Variants in SLC24A3 observed in about 807,000 individuals in gnomAD.
SLC24A3 encodes the protein sodium/potassium/calcium exchanger 3.
A neutral mutation model predicts 75.8 loss-of-function variants in SLC24A3; 28 were observed. The ratio of observed to expected loss-of-function variants is 0.37; its 90% CI spans 0.27 to 0.51. The LOEUF (loss-of-function observed/expected upper bound fraction) is 0.51, where lower values mean the gene tolerates loss of function less well. SLC24A3 is among the 20% of genes least tolerant of loss of function. SLC24A3 has a pLI of 0.94. For missense variants in SLC24A3, 663 were observed against 847.8 expected (o/e 0.78, Z 2.71); for synonymous variants, 372 against 334.1 (o/e 1.11, Z -1.24).
At chr20:19,295,476 T>A (rs1003067549) in intron 2 of SLC24A3, among the ~76,000 whole-genome samples, 4 of 152,216 alleles carry the variant, frequency 2.6e-5, no homozygotes, top group Non-Finnish European at 1.5e-5. Context: ...TTCAGTATGA[T>A]ATTGGCTGTG....
intron 2 of SLC24A3, among the ~76,000 whole-genome samples, chr20:19,435,846 C>A (rs1158929679): frequency 1.3e-5 from 2 of 152,184 alleles, no homozygotes; most frequent in Non-Finnish European, 2.9e-5. Context: ...CTTGCCTACA[C>A]CTCACATTGT....
At chr20:19,416,388 G>A (rs947057155) in intron 2 of SLC24A3, among the ~76,000 whole-genome samples, 8 of 152,222 alleles carry the variant, frequency 5.3e-5, no homozygotes, top group Non-Finnish European at 1.2e-4. Context: ...CCTTGTAGTA[G>A]ATTTTTATTT....
Position 19,352,437 on chromosome 20 carries a change from A to T in SLC24A3, c.271+71350A>T, listed in dbSNP as rs73605517. ...TCTTGGCTCACGACAAAGGAAACTAACATTATTAACGGCTGCTGTGAGTAG... is the reference window on the plus strand; with the variant it reads ...TCTTGGCTCACGACAAAGGAAACTATCATTATTAACGGCTGCTGTGAGTAG... On this transcript the variant is annotated intron_variant, in intron 2 of 16. Transcript: ENST00000328041. Among the ~76,000 whole-genome samples the T allele has an allele frequency of 1.6e-4, 25 of 152,318 alleles. No homozygotes were observed. In the East Asian group the frequency reaches 4.4e-3, roughly 27 times the overall value.
intron 2 of SLC24A3, among the ~76,000 whole-genome samples, chr20:19,364,342 C>A (rs887336515): frequency 6.6e-6 from 1 of 152,234 alleles, no homozygotes; most frequent in East Asian, 1.9e-4. Context: ...CAAAGATGGA[C>A]TGAACTGGGA....
rs73902345 is a variant in SLC24A3, at chr20:19,374,230, A to G, written c.271+93143A>G. Reference sequence around the variant, plus strand: ...TTACCTGACCCTTAGATATAACTCAAATATCACCACCATCTCAGTGACAGG... The same window carrying G: ...TTACCTGACCCTTAGATATAACTCAGATATCACCACCATCTCAGTGACAGG... On this transcript the variant is annotated intron_variant, in intron 2 of 16. Transcript: ENST00000328041. Among the ~76,000 whole-genome samples the G allele has an allele frequency of 2.7e-3, 416 of 152,276 alleles. 4 individuals are homozygous for G. The highest frequency in any genetic ancestry group is 9.6e-3 in the African/African-American group (400 of 41,556).
intron 9 of SLC24A3, among the ~76,000 whole-genome samples, chr20:19,676,397 G>A (rs1177008577): frequency 1.3e-5 from 2 of 152,160 alleles, no homozygotes; most frequent in Admixed American, 1.3e-4. Context: ...AACTGGGAAT[G>A]GAAGCTACTG....
At chr20:19,703,312 G>A (rs995056874) in intron 15 of SLC24A3, among the ~76,000 whole-genome samples, 9 of 152,012 alleles carry the variant, frequency 5.9e-5, no homozygotes, top group African/African-American at 1.7e-4. Flanking sequence ...GCCCATCCAC[G>A]TTCTTCCTTG....
chr20:19,446,045 G>GC (rs1420835429), intron 2 of SLC24A3, among the ~76,000 whole-genome samples: 3 of 152,160 alleles, frequency 2.0e-5, no homozygotes, highest in African/African-American at 7.2e-5. Context: ...GCCCGTAGGG[G>GC]TTCACTCCTT....
chr20:19,459,464 G>A (rs550669234), intron 2 of SLC24A3, among the ~76,000 whole-genome samples: 58 of 152,256 alleles, frequency 3.8e-4, no homozygotes, highest in African/African-American at 1.2e-3. Context: ...GAAGGAACAG[G>A]AACTTGGACA....
At chr20:19,562,787 G>C (rs974145984) in intron 3 of SLC24A3, among the ~76,000 whole-genome samples, 1 of 152,126 alleles carries the variant, frequency 6.6e-6, no homozygotes, top group Non-Finnish European at 1.5e-5. Context: ...TCATGAGAAC[G>C]ATCTGGCTAG....
At chr20:19,670,209 T>TG (rs1378241554) in intron 8 of SLC24A3, among the ~76,000 whole-genome samples, 1 of 123,558 alleles carries the variant, frequency 8.1e-6, no homozygotes, top group Non-Finnish European at 1.7e-5. Context: ...GGAGAGGGGG[T>TG]GGGGGGAAGG....
At chr20:19,379,266 G>A (rs1353832745) in intron 2 of SLC24A3, among the ~76,000 whole-genome samples, 1 of 152,092 alleles carries the variant, frequency 6.6e-6, no homozygotes, top group African/African-American at 2.4e-5. Context: ...AGGAGCTGGG[G>A]GCACCCTTTT....
At chr20:19,266,556 T>C (rs1189968999) in intron 1 of SLC24A3, among the ~76,000 whole-genome samples, 3 of 152,206 alleles carry the variant, frequency 2.0e-5, no homozygotes, top group Non-Finnish European at 4.4e-5. Context: ...ATACTCATAC[T>C]CATAAATAAA....
intron 3 of SLC24A3, among the ~76,000 whole-genome samples, chr20:19,518,271 C>T (rs651862): frequency 0.56 from 85,432 of 152,054 alleles, 24,848 homozygotes; most frequent in African/African-American, 0.7. Flanking sequence ...CTAGAAAGCA[C>T]TTTTTGAGCC....
chr20:19,484,711 A>G (rs905286945), intron 2 of SLC24A3, among the ~76,000 whole-genome samples: 2 of 152,178 alleles, frequency 1.3e-5, no homozygotes, highest in African/African-American at 4.8e-5. Context: ...GAGTTATTCA[A>G]TGGGTTAAGA....
intron 3 of SLC24A3, among the ~76,000 whole-genome samples, chr20:19,525,341 A>T (rs116022127): frequency 2.2e-4 from 34 of 152,262 alleles, no homozygotes; most frequent in African/African-American, 7.7e-4. Context: ...CTCCCCCAGA[A>T]GCAGACCCTC....
chr20:19,338,259 C>A (rs1229642837), intron 2 of SLC24A3, among the ~76,000 whole-genome samples: 1 of 152,212 alleles, frequency 6.6e-6, no homozygotes, highest in Non-Finnish European at 1.5e-5. Flanking sequence ...GAGCCTCTGA[C>A]ATGGCAGGAG....
At chr20:19,228,882 T>G (rs1600383736) in intron 1 of SLC24A3, among the ~76,000 whole-genome samples, 1 of 152,194 alleles carries the variant, frequency 6.6e-6, no homozygotes, top group South Asian at 2.1e-4. Flanking sequence ...ATAGCTCCTT[T>G]GCCAGGTTTT....
chr20:19,663,909 A>C (rs2032368304), intron 7 of SLC24A3, among the ~76,000 whole-genome samples: 1 of 152,202 alleles, frequency 6.6e-6, no homozygotes, highest in Non-Finnish European at 1.5e-5. Context: ...AGACAGGAAG[A>C]GTACTTTCTT....
Sources: gnomAD v4.1 joint callset for allele counts (sites outside exome capture counted in the v4.1 genomes callset) on GRCh38, gnomAD v4.1.1 for gene constraint, MANE v1.5 for transcripts, NCBI Gene and HGNC (gene_info 2026-07-23, HGNC 2026-07-21) for gene names.